TRMT9B: variants seen among roughly 807,000 people sequenced by gnomAD.
The protein encoded by TRMT9B is probable tRNA methyltransferase 9B.
In TRMT9B, 16 loss-of-function variants were observed where a neutral mutation model predicts 11.5. That is an observed-to-expected ratio of 1.39 (90% CI 0.94 to 2.11). TRMT9B has a LOEUF of 2.11. TRMT9B is among the 30% of genes most tolerant of loss of function. The pLI is 0.00. For missense variants in TRMT9B, 941 were observed against 553.8 expected (o/e 1.70, Z -7.02); for synonymous variants, 274 against 192.4 (o/e 1.42, Z -3.51).
intron 1 of TRMT9B, among the ~76,000 whole-genome samples, chr8:12,987,745 T>G (rs1038419789): frequency 1.2e-4 from 18 of 151,932 alleles, no homozygotes; most frequent in Admixed American, 2.0e-4. Flanking sequence ...ATAGCTTACC[T>G]CCCTAGCCTA....
intron 1 of TRMT9B, among the ~76,000 whole-genome samples, chr8:12,955,862 C>G (rs957727693): frequency 6.6e-6 from 1 of 152,086 alleles, no homozygotes; most frequent in Non-Finnish European, 1.5e-5. Flanking sequence ...GCTTGATGGG[C>G]CCCCAGGGTT....
At chr8:12,952,280 G>A (rs1800729005) in intron 1 of TRMT9B, 2 of 392,270 alleles carry the variant, frequency 5.1e-6, no homozygotes, top group East Asian at 9.8e-5. Flanking sequence ...CTGCCTCGGC[G>A]CCCGCCCGCA....
At position 13,021,294 on chromosome 8, in the gene TRMT9B, G is replaced by A; in HGVS notation, c.615G>A (p.Glu205=). The A allele has an allele frequency of 6.2e-7, 1 of 1,614,018 alleles. No individual in the cohort carries two copies. Among genetic ancestry groups the A allele is most frequent in the East Asian group, 2.2e-5 (1 of 44,876 alleles). Reference sequence around the variant, plus strand: ...GTAGCTGTTCTGTTTGTTTTAAAGAGCAGTGTGGTTCAAAACGGTCCCACA... The same window carrying A: ...GTAGCTGTTCTGTTTGTTTTAAAGAACAGTGTGGTTCAAAACGGTCCCACA... ...SECSCSVCFK[E]QCGSKRSHSV... The change falls in exon 5 of 5, where the codon GAG becomes GAA. Residue 205 remains glutamate, a synonymous_variant. Transcript: ENST00000524591.
At chr8:12,983,126 T>C (rs1250219379) in intron 1 of TRMT9B, among the ~76,000 whole-genome samples, 1 of 152,150 alleles carries the variant, frequency 6.6e-6, no homozygotes, top group Non-Finnish European at 1.5e-5. Context: ...CAGATACCCC[T>C]ATGAGTAACA....
Position 13,009,889 on chromosome 8 carries a change from G to A in TRMT9B, c.155-2795G>A, listed in dbSNP as rs1185096240. The stretch of plus-strand genomic sequence containing the variant: ...CACACGTGTAATCCTAGCACTTTGG[G>A]AGGTGTGGCGGGCAGATCTTTTAGC... On this transcript the variant is annotated intron_variant, in intron 3 of 4. Transcript: ENST00000524591. Among the ~76,000 whole-genome samples, 75 of 152,242 alleles carry A rather than the reference G, an allele frequency of 4.9e-4. 1 individual carries two copies. Among genetic ancestry groups the A allele is most frequent in the Non-Finnish European group, 8.8e-5 (6 of 68,018 alleles).
intron 3 of TRMT9B, chr8:13,010,931 A>G: frequency 2.2e-6 from 2 of 914,286 alleles, no homozygotes; most frequent in Non-Finnish European, 2.6e-6. Context: ...AAGAAATAAT[A>G]TCATAGAAAT....
chr8:13,010,106 C>T (rs959956448), intron 3 of TRMT9B, among the ~76,000 whole-genome samples: 1 of 150,638 alleles, frequency 6.6e-6, no homozygotes, highest in Non-Finnish European at 1.5e-5. Flanking sequence ...CCACTGCATT[C>T]TAGCCTGGGT....
chr8:13,014,005 A>G (rs1812157318), intron 4 of TRMT9B, among the ~76,000 whole-genome samples: 1 of 152,194 alleles, frequency 6.6e-6, no homozygotes, highest in African/African-American at 2.4e-5. Flanking sequence ...AAGAAAGATG[A>G]TCTTTTATAA....
chr8:13,012,777 G>A lies in TRMT9B; in HGVS notation c.248G>A (p.Arg83Lys). Residue 83 changes from arginine to lysine, a missense_variant, in exon 4 of 5, where the codon AGA (arginine) becomes AAA (lysine). Physicochemically the swap from Arg to Lys is conservative, Grantham distance 26. Transcript: ENST00000524591. ...CGPLVEIARN[R>K]GCEAMVCDNL... is the part of the protein sequence containing the mutation. ...CCACTGGTAGAGATTGCCCGGAATA[G>A]AGGATGTGAAGCCATGGTATGTGAC... 1 of 1,613,986 alleles carries A rather than the reference G, an allele frequency of 6.2e-7. No individual in the cohort carries two copies. Among genetic ancestry groups the A allele is most frequent in the Non-Finnish European group, 8.5e-7 (1 of 1,179,898 alleles).
chr8:13,002,278 A>C (rs1354124117), intron 2 of TRMT9B, among the ~76,000 whole-genome samples: 2 of 152,202 alleles, frequency 1.3e-5, no homozygotes, highest in African/African-American at 2.4e-5. Context: ...AACATTTCCA[A>C]GTGCAACAAA....
chr8:12,946,495 A>T (rs1490436724), intron 1 of TRMT9B, among the ~76,000 whole-genome samples: 1 of 152,208 alleles, frequency 6.6e-6, no homozygotes, highest in African/African-American at 2.4e-5. Flanking sequence ...ATTGTAGAAG[A>T]AAGAAAAGGG....
At chr8:13,008,887 C>G (rs1215393315) in intron 3 of TRMT9B, among the ~76,000 whole-genome samples, 1 of 152,102 alleles carries the variant, frequency 6.6e-6, no homozygotes, top group East Asian at 1.9e-4. Context: ...CGCCACCACG[C>G]CCAGCTAATT....
At chr8:13,016,603 T>G (rs1284188718) in intron 4 of TRMT9B, among the ~76,000 whole-genome samples, 2 of 151,834 alleles carry the variant, frequency 1.3e-5, no homozygotes, top group Admixed American at 1.3e-4. Context: ...TATGCCTTCA[T>G]TTTATTGGCA....
At chr8:12,990,283 A>G (rs1285278105) in intron 1 of TRMT9B, among the ~76,000 whole-genome samples, 1 of 152,178 alleles carries the variant, frequency 6.6e-6, no homozygotes, top group African/African-American at 2.4e-5. Context: ...ATCTCATTGT[A>G]TATCACAAGA....
chr8:12,958,419 A>G (rs1025640526), intron 1 of TRMT9B: 1 of 152,212 alleles, frequency 6.6e-6, no homozygotes, highest in Non-Finnish European at 1.5e-5. Flanking sequence ...TCTGTAAGAT[A>G]TTTCTGATCC....
At chr8:13,003,559 G>T (rs1488494202) in intron 2 of TRMT9B, among the ~76,000 whole-genome samples, 1 of 152,082 alleles carries the variant, frequency 6.6e-6, no homozygotes, top group African/African-American at 2.4e-5. Flanking sequence ...GTGGGTCATT[G>T]GGTATTATGG....
intron 1 of TRMT9B, among the ~76,000 whole-genome samples, chr8:12,982,591 G>C (rs1232448860): frequency 1.3e-5 from 2 of 152,098 alleles, no homozygotes; most frequent in South Asian, 2.1e-4. Context: ...GAACCCAAGA[G>C]GCGGAGGTTG....
At chr8:13,016,124 TATAAC>T (rs1812609254) in intron 4 of TRMT9B, among the ~76,000 whole-genome samples, 2 of 143,044 alleles carry the variant, frequency 1.4e-5, no homozygotes, top group South Asian at 2.1e-4. Context: ...TATATATACA[TATAAC>T]ATAAATATAA....
chr8:12,963,082 A>G (rs1802344795), intron 1 of TRMT9B, among the ~76,000 whole-genome samples: 1 of 152,206 alleles, frequency 6.6e-6, no homozygotes, highest in African/African-American at 2.4e-5. Context: ...TGGAGGAAAA[A>G]TTATGTTATA....
Sources: gnomAD v4.1 joint callset for allele counts (sites outside exome capture counted in the v4.1 genomes callset) on GRCh38, gnomAD v4.1.1 for gene constraint, MANE v1.5 for transcripts, NCBI Gene and HGNC (gene_info 2026-07-23, HGNC 2026-07-21) for gene names.